Variants in ZNF529 observed in about 807,000 individuals in gnomAD.
ZNF529 encodes zinc finger protein 529.
Under a neutral mutation model 10.1 loss-of-function variants are expected in ZNF529, and 11 were observed. That is an observed-to-expected ratio of 1.09 (90% CI 0.69 to 1.81). The LOEUF is 1.81. Among genes scored for constraint, ZNF529 ranks in the 40% most tolerant of loss-of-function variants. ZNF529 has a pLI of 0.00. For missense variants in ZNF529, 624 were observed against 666.8 expected (o/e 0.94, Z 0.71); for synonymous variants, 204 against 215.7 (o/e 0.95, Z 0.47).
rs555338815 is a variant in ZNF529 at position 36,554,478 on chromosome 19, TGAGGCAGAAGAATCACTTGAACCCGG to T, written c.235+166_235+191del. On this transcript the variant is annotated intron_variant, in intron 4 of 4. Coordinates refer to ENST00000591340, the MANE Select transcript of ZNF529 (RefSeq NM_020951.5). ...CTGTAATTCCAGCTACTCTGGAGGC[TGAGGCAGAAGAATCACTTGAACCCGG>T]GAGGCAGAGGTTGCAGTGAGCCAAG... Among the ~76,000 whole-genome samples, 6 of 152,264 alleles carry T rather than the reference TGAGGCAGAAGAATCACTTGAACCCGG, an allele frequency of 3.9e-5. No individual in the cohort carries two copies. In the South Asian group the frequency reaches 1.2e-3, roughly 32 times the overall value.
At chr19:36,578,291 C>CTTT (rs1159725232), upstream of ZNF529, among the ~76,000 whole-genome samples, 474 of 31,818 alleles carry the variant, frequency 0.015, 160 homozygotes, top group Middle Eastern at 0.15. Context: ...GTCTTGATCT[C>CTTT]TTTTTTTTTT....
At chr19:36,572,890 C>G (rs1156660888) in intron 1 of ZNF529, among the ~76,000 whole-genome samples, 1 of 150,792 alleles carries the variant, frequency 6.6e-6, no homozygotes, top group Non-Finnish European at 1.5e-5. Context: ...CAAACTCCTA[C>G]AGGCTCACGG....
chr19:36,575,790 G>A (rs532927374), upstream of ZNF529, among the ~76,000 whole-genome samples: 113 of 151,688 alleles, frequency 7.4e-4, no homozygotes, highest in Admixed American at 2.4e-3. Context: ...AACCAGGCAG[G>A]TTTAACCACG....
At chr19:36,568,260 G>A (rs896299194) in intron 2 of ZNF529, among the ~76,000 whole-genome samples, 1 of 152,188 alleles carries the variant, frequency 6.6e-6, no homozygotes, top group African/African-American at 2.4e-5. Context: ...TGCCCAGTCA[G>A]GAGAAAGTCA....
At chr19:36,567,504 T>C (rs1372394786) in intron 2 of ZNF529, among the ~76,000 whole-genome samples, 1 of 152,008 alleles carries the variant, frequency 6.6e-6, no homozygotes, top group Non-Finnish European at 1.5e-5. Flanking sequence ...AGTGGCGCCA[T>C]CTCGGCTCAC....
chr19:36,584,766 C>CAA (rs559964352), intron 2 of ZNF529, among the ~76,000 whole-genome samples: 3 of 90,486 alleles, frequency 3.3e-5, no homozygotes, highest in Admixed American at 1.2e-4. Context: ...GACTCTGTCT[C>CAA]AAAAAAAAAA....
chr19:36,574,477 G>C (rs2036263748), upstream of ZNF529, among the ~76,000 whole-genome samples: 1 of 152,056 alleles, frequency 6.6e-6, no homozygotes, highest in Admixed American at 6.5e-5. Flanking sequence ...TTCCATCATG[G>C]CTTTACTAGT....
At chr19:36,562,336 C>G (rs1467569765) in intron 2 of ZNF529, among the ~76,000 whole-genome samples, 1 of 152,162 alleles carries the variant, frequency 6.6e-6, no homozygotes, top group Admixed American at 6.5e-5. Flanking sequence ...GGATGAATCA[C>G]ATGATTTAGA....
upstream of ZNF529, among the ~76,000 whole-genome samples, chr19:36,576,483 C>T (rs1408966778): frequency 6.6e-6 from 1 of 152,038 alleles, no homozygotes; most frequent in Non-Finnish European, 1.5e-5. Flanking sequence ...CTTTGGGAGG[C>T]TGAGGCAGGT....
chr19:36,581,217 T>C (rs956222967), intron 2 of ZNF529: 3 of 152,198 alleles, frequency 2.0e-5, no homozygotes, highest in Non-Finnish European at 1.5e-5. Context: ...TTACAGGGAA[T>C]GTGCATTAGA....
intron 1 of ZNF529, among the ~76,000 whole-genome samples, chr19:36,590,871 A>G (rs1274525888): frequency 6.7e-6 from 1 of 150,176 alleles, no homozygotes; most frequent in Non-Finnish European, 1.5e-5. Context: ...TGGAGGTTGC[A>G]GTGAGCTGAG....
At chr19:36,564,570 C>T (rs1480381480) in intron 2 of ZNF529, among the ~76,000 whole-genome samples, 1 of 152,094 alleles carries the variant, frequency 6.6e-6, no homozygotes, top group Non-Finnish European at 1.5e-5. Flanking sequence ...TCAGTCAGAA[C>T]AATTATTGTT....
At chr19:36,565,357 C>A (rs1441944682) in intron 2 of ZNF529, among the ~76,000 whole-genome samples, 1 of 152,028 alleles carries the variant, frequency 6.6e-6, no homozygotes, top group Non-Finnish European at 1.5e-5. Context: ...CTAAGGGAGC[C>A]CTGCAAGTTG....
At position 36,547,245 on chromosome 19, in the gene ZNF529, G is replaced by T. The variant is rs371280643; in HGVS notation, c.1313C>A (p.Thr438Asn). 18 of 1,613,732 alleles carry T rather than the reference G, an allele frequency of 1.1e-5. No individual in the cohort carries two copies. The South Asian group carries it at 1.4e-4, about 13-fold the overall frequency. Residue 438 changes from threonine to asparagine, a missense_variant, in exon 5 of 5, where the codon ACT (threonine) becomes AAT (asparagine). By Grantham distance (65) the Thr-to-Asn change is moderately conservative. Transcript: ENST00000591340. The part of the protein sequence containing the change: ...EKAFGVGSEL[T>N]RHERIHSGQK... Reference sequence around the variant, plus strand: ...ACCACTGTGAATTCTTTCATGTCGAGTAAGTTCACTACCTACTCCAAATGC... The same window carrying T: ...ACCACTGTGAATTCTTTCATGTCGATTAAGTTCACTACCTACTCCAAATGC...
rs1458517711 is a variant in ZNF529, at chr19:36,546,003, T to C, written c.*863A>G. 1.3e-5 allele frequency: 2 copies of C among 150,654 alleles called. No individual in the cohort carries two copies. The highest frequency in any genetic ancestry group is 3.0e-5 in the Non-Finnish European group (2 of 67,714). The allele number at this position is 150,654 out of a possible 1,614,324, so 9.3% of individuals were successfully genotyped here. The stretch of plus-strand genomic sequence containing the variant: ...ATAACACACATACACACTATATATA[T>C]ATAGTGCCCAGTATATAGTGTATAT... On this transcript the variant is annotated 3_prime_UTR_variant, in exon 5 of 5. Coordinates refer to ENST00000591340, the MANE Select transcript of ZNF529 (RefSeq NM_020951.5).
At chr19:36,592,400 C>T (rs993288928) in intron 1 of ZNF529, among the ~76,000 whole-genome samples, 1 of 151,278 alleles carries the variant, frequency 6.6e-6, no homozygotes. Context: ...TCAAGACCAC[C>T]CTGGGCAACA....
intron 1 of ZNF529, among the ~76,000 whole-genome samples, chr19:36,596,227 C>T (rs1437676690): frequency 6.6e-6 from 1 of 151,838 alleles, no homozygotes; most frequent in African/African-American, 2.4e-5. Context: ...GCGTGTGCCA[C>T]CACACCTGGC....
chr19:36,588,951 T>A (rs2036643627), intron 2 of ZNF529, among the ~76,000 whole-genome samples: 1 of 151,756 alleles, frequency 6.6e-6, no homozygotes, highest in South Asian at 2.1e-4. Flanking sequence ...TCTTTTTTTT[T>A]TTTTTTTTTA....
At position 36,544,994 on chromosome 19, in the gene ZNF529, G is replaced by A. The variant is rs966053235; in HGVS notation, c.*1872C>T. 1.3e-5 allele frequency: 2 copies of A among 152,244 alleles called. No individual in the cohort carries two copies. The highest frequency in any genetic ancestry group is 2.9e-5 in the Non-Finnish European group (2 of 68,058). The allele number at this position is 152,244 out of a possible 1,614,324, so 9.4% of individuals were successfully genotyped here. A position where few individuals can be genotyped will look rare whatever the true frequency, so the allele number is the denominator to read the frequency against. ...TAATCCCAGCACTTTGGGAGGCCGA[G>A]GCAGGGGGATCACAAGGTCAGGAAA... On this transcript the variant is annotated 3_prime_UTR_variant, in exon 5 of 5. Transcript: ENST00000591340.
Sources: allele counts gnomAD v4.1 joint callset (sites outside exome capture counted in the v4.1 genomes callset), GRCh38; gene constraint gnomAD v4.1.1; transcripts MANE v1.5; gene names NCBI Gene and HGNC (gene_info 2026-07-23, HGNC 2026-07-21).